The following DOK6 variants were observed in gnomAD, a reference collection of about 807,000 sequenced individuals.
DOK6 encodes the protein downstream of tyrosine kinase 6.
In DOK6, 22 loss-of-function variants were observed where a neutral mutation model predicts 44.0. The observed-to-expected ratio is 0.50, with a 90% confidence interval of 0.36 to 0.71. DOK6 has a LOEUF of 0.71. Among genes scored for constraint, DOK6 ranks in the 30% least tolerant of loss-of-function variants. The pLI is 0.00. For missense variants in DOK6, 340 were observed against 416.4 expected (o/e 0.82, Z 1.60); for synonymous variants, 166 against 145.5 (o/e 1.14, Z -1.01).
chr18:69,752,256 T>TA (rs1979208027), intron 6 of DOK6, among the ~76,000 whole-genome samples: 1 of 152,148 alleles, frequency 6.6e-6, no homozygotes, highest in Middle Eastern at 3.2e-3. Context: ...ATGTATTTTT[T>TA]TAAAAAATCC....
intron 1 of DOK6, chr18:69,532,629 A>T (rs1982016059): frequency 6.6e-6 from 1 of 152,250 alleles, no homozygotes; most frequent in South Asian, 2.1e-4. Context: ...GGGAGGCCAA[A>T]GCAGGAGGAC....
intron 7 of DOK6, among the ~76,000 whole-genome samples, chr18:69,835,228 C>T (rs1224396090): frequency 2.0e-5 from 3 of 152,022 alleles, no homozygotes; most frequent in East Asian, 3.9e-4. Flanking sequence ...TTTGGGAGGC[C>T]GAGGTGGGTG....
At chr18:69,623,072 T>C (rs141203729) in intron 3 of DOK6, among the ~76,000 whole-genome samples, 2 of 152,186 alleles carry the variant, frequency 1.3e-5, no homozygotes, top group Non-Finnish European at 2.9e-5. Context: ...GACTTCTCCC[T>C]TACTGTTCTC....
chr18:69,624,270 G>A (rs1490712669), intron 3 of DOK6, among the ~76,000 whole-genome samples: 1 of 151,964 alleles, frequency 6.6e-6, no homozygotes, highest in East Asian at 1.9e-4. Flanking sequence ...TCATCTGATT[G>A]TGCCAAATAG....
At chr18:69,510,513 C>T (rs1226188643) in intron 1 of DOK6, among the ~76,000 whole-genome samples, 1 of 143,026 alleles carries the variant, frequency 7.0e-6, no homozygotes, top group Non-Finnish European at 1.6e-5. Context: ...TAGCTTATTA[C>T]ATTTAAATAC....
chr18:69,770,325 G>C (rs1385587476), intron 7 of DOK6, among the ~76,000 whole-genome samples: 1 of 152,118 alleles, frequency 6.6e-6, no homozygotes, highest in Non-Finnish European at 1.5e-5. Flanking sequence ...TTGCTAGCTA[G>C]ATTGTCACTT....
At chr18:69,646,853 C>A (rs1985086291) in intron 3 of DOK6, among the ~76,000 whole-genome samples, 1 of 152,154 alleles carries the variant, frequency 6.6e-6, no homozygotes, top group Non-Finnish European at 1.5e-5. Context: ...TCTATTTCTC[C>A]ATCAGGGTGG....
chr18:69,593,637 T>G (rs935040460), intron 2 of DOK6, among the ~76,000 whole-genome samples: 3 of 152,188 alleles, frequency 2.0e-5, no homozygotes, highest in Admixed American at 2.0e-4. Context: ...ATCCTAAGGC[T>G]CTGAAATTAG....
At chr18:69,587,466 G>A (rs908948669) in intron 2 of DOK6, among the ~76,000 whole-genome samples, 11 of 151,996 alleles carry the variant, frequency 7.2e-5, no homozygotes, top group South Asian at 4.2e-4. Context: ...TTAGAATGAT[G>A]TCCTCTCAAG....
In DOK6 at chr18:69,440,747, CACACAA is replaced by C. The variant is rs1470605823; in HGVS notation, c.66+39443_66+39448del. Among the ~76,000 whole-genome samples, 14 of 74,404 alleles carry C rather than the reference CACACAA, an allele frequency of 1.9e-4. No individual in the cohort carries two copies. The East Asian group carries it at 5.3e-3, about 28-fold the overall frequency. The allele number at this position is 74,404 out of a possible 152,430, so 48.8% of individuals were successfully genotyped here. A position where few individuals can be genotyped will look rare whatever the true frequency, so the allele number is the denominator to read the frequency against. On this transcript the variant is annotated intron_variant, in intron 1 of 7. Transcript: ENST00000382713. ...TCTGTGATTTTTGTTCTTTTATACACACACAAACACACACACACACACACACACACA... is the reference window on the plus strand; with the variant it reads ...TCTGTGATTTTTGTTCTTTTATACACACACACACACACACACACACACACA...
At chr18:69,570,806 G>A (rs1983097052) in intron 2 of DOK6, among the ~76,000 whole-genome samples, 4 of 152,028 alleles carry the variant, frequency 2.6e-5, no homozygotes, top group Admixed American at 2.6e-4. Context: ...AAAATTCTAT[G>A]TCTGTGAAAA....
In DOK6 at chr18:69,421,761, G is replaced by A. The variant is rs356007; in HGVS notation, c.66+20451G>A. Among the ~76,000 whole-genome samples, 1,320 of 152,172 alleles carry A rather than the reference G, an allele frequency of 8.7e-3. 24 individuals are homozygous for A. Among genetic ancestry groups the A allele is most frequent in the African/African-American group, 0.03 (1,255 of 41,526 alleles). ...TACTTGATTACATGTGGTTTTAAACGTATTCATTGGACAAAATTGTGTGCA... is the reference window on the plus strand; with the variant it reads ...TACTTGATTACATGTGGTTTTAAACATATTCATTGGACAAAATTGTGTGCA... On this transcript the variant is annotated intron_variant, in intron 1 of 7. Coordinates refer to ENST00000382713, the MANE Select transcript of DOK6 (RefSeq NM_152721.6).
intron 7 of DOK6, among the ~76,000 whole-genome samples, chr18:69,784,748 C>A (rs1359106247): frequency 1.3e-5 from 2 of 152,004 alleles, no homozygotes; most frequent in Non-Finnish European, 2.9e-5. Flanking sequence ...ATAGATAATT[C>A]TTGTTTTTAT....
chr18:69,677,345 CTATA>C (rs948016361), intron 3 of DOK6, among the ~76,000 whole-genome samples: 1 of 138,850 alleles, frequency 7.2e-6, no homozygotes, highest in African/African-American at 2.6e-5. Flanking sequence ...ATATATGTGT[CTATA>C]TATATATTAT....
At chr18:69,692,105 G>A (rs1290590455) in intron 4 of DOK6, among the ~76,000 whole-genome samples, 1 of 152,126 alleles carries the variant, frequency 6.6e-6, no homozygotes, top group Non-Finnish European at 1.5e-5. Context: ...GGGGCGGTGG[G>A]GAGTCACCGT....
chr18:69,841,150 TATAG>T (rs761226497), intron 7 of DOK6, 90 bp from the exon 8 acceptor site: 26 of 1,483,856 alleles, frequency 1.8e-5, no homozygotes, highest in African/African-American at 5.6e-5. Context: ...TTCTTAAAAA[TATAG>T]ATAGATAGAT....
intron 6 of DOK6, among the ~76,000 whole-genome samples, chr18:69,745,210 A>C (rs1978945560): frequency 6.6e-6 from 1 of 152,216 alleles, no homozygotes; most frequent in Non-Finnish European, 1.5e-5. Context: ...CAAATAGATC[A>C]GAGTTGGTTC....
At chr18:69,528,803 T>A (rs565203698) in intron 1 of DOK6, among the ~76,000 whole-genome samples, 1 of 152,244 alleles carries the variant, frequency 6.6e-6, no homozygotes, top group South Asian at 2.1e-4. Context: ...TTAAACAGCA[T>A]CACTTTAGAG....
intron 1 of DOK6, among the ~76,000 whole-genome samples, chr18:69,445,468 T>G (rs567865024): frequency 6.6e-6 from 1 of 152,304 alleles, no homozygotes; most frequent in African/African-American, 2.4e-5. Context: ...TTCCCTTCTC[T>G]TCCCAGATTA....
Sources: gnomAD v4.1 joint callset for allele counts (sites outside exome capture counted in the v4.1 genomes callset) on GRCh38, gnomAD v4.1.1 for gene constraint, MANE v1.5 for transcripts, NCBI Gene and HGNC (gene_info 2026-07-23, HGNC 2026-07-21) for gene names.